The following ADAMTS19 variants were observed in gnomAD, a reference collection of about 807,000 sequenced individuals.
ADAMTS19 encodes A disintegrin and metalloproteinase with thrombospondin motifs 19.
ADAMTS19 carries 93 observed loss-of-function variants against 153.3 expected under a neutral mutation model. The ratio of observed to expected loss-of-function variants is 0.61; its 90% CI spans 0.51 to 0.72. The LOEUF is 0.72. Ranked by LOEUF, ADAMTS19 falls within the 30% of genes least tolerant of loss-of-function variation. The pLI is 0.00. For synonymous variants in ADAMTS19, 600 were observed against 556.6 expected (o/e 1.08, Z -1.10); for missense variants, 1,482 against 1,552.1 (o/e 0.95, Z 0.76).
At chr5:129,636,966 T>C (rs960958627) in intron 10 of ADAMTS19, among the ~76,000 whole-genome samples, 1 of 152,208 alleles carries the variant, frequency 6.6e-6, no homozygotes, top group African/African-American at 2.4e-5. Context: ...TGAAAGGGCC[T>C]GTTTTTAACC....
At chr5:129,476,687 G>A (rs1750238265) in intron 2 of ADAMTS19, among the ~76,000 whole-genome samples, 1 of 152,100 alleles carries the variant, frequency 6.6e-6, no homozygotes, top group Non-Finnish European at 1.5e-5. Context: ...CAGACCACAG[G>A]AATTATGATT....
intron 20 of ADAMTS19, among the ~76,000 whole-genome samples, chr5:129,702,037 T>C (rs1755888778): frequency 6.6e-6 from 1 of 152,162 alleles, no homozygotes; most frequent in Non-Finnish European, 1.5e-5. Flanking sequence ...GAAACTTAAG[T>C]TTCATCATTT....
chr5:129,474,315 T>G (rs138993821), intron 2 of ADAMTS19, among the ~76,000 whole-genome samples: 315 of 152,274 alleles, frequency 2.1e-3, no homozygotes, highest in African/African-American at 6.7e-3. Flanking sequence ...TGGTGGGCAT[T>G]TGGATTGTTT....
At chr5:129,734,696 C>T (rs1000779797) in intron 21 of ADAMTS19, among the ~76,000 whole-genome samples, 1 of 151,962 alleles carries the variant, frequency 6.6e-6, no homozygotes, top group Non-Finnish European at 1.5e-5. Flanking sequence ...CTTCTTTACT[C>T]TTATGTCCTT....
rs537237490 is a variant in ADAMTS19, at chr5:129,580,775, G to A, written c.1373-15784G>A. On this transcript the variant is annotated intron_variant, in intron 7 of 22. Coordinates refer to ENST00000274487, the MANE Select transcript of ADAMTS19 (RefSeq NM_133638.6). ...TGTTGAACCAGCCTTGTATCCCAGGGGTGAAGCTGACTTGATCGTGGTGGG... is the reference window on the plus strand; with the variant it reads ...TGTTGAACCAGCCTTGTATCCCAGGAGTGAAGCTGACTTGATCGTGGTGGG... Among the ~76,000 whole-genome samples, 78 of 152,214 alleles carry A rather than the reference G, an allele frequency of 5.1e-4. 1 individual carries two copies. The South Asian group carries it at 0.015, about 30-fold the overall frequency.
In ADAMTS19 at chr5:129,563,731, A is replaced by T. The variant is rs535033886; in HGVS notation, c.1372+11824A>T. Among the ~76,000 whole-genome samples the T allele has an allele frequency of 2.0e-5, 3 of 152,330 alleles. No homozygotes were observed. In the South Asian group the frequency reaches 6.2e-4, roughly 32 times the overall value. On this transcript the variant is annotated intron_variant, in intron 7 of 22. Transcript: ENST00000274487. Reference sequence around the variant, plus strand: ...TGTTATAATGCACTGCTCAGTGATTAACACAGGAAGCTTCAGATATGCAAA... The same window carrying T: ...TGTTATAATGCACTGCTCAGTGATTTACACAGGAAGCTTCAGATATGCAAA...
intron 2 of ADAMTS19, among the ~76,000 whole-genome samples, chr5:129,466,092 T>C (rs1156979021): frequency 6.6e-6 from 1 of 152,188 alleles, no homozygotes; most frequent in Non-Finnish European, 1.5e-5. Context: ...GGAAGCCACA[T>C]ATGTGTCGCT....
chr5:129,535,113 G>A (rs1752365738), intron 6 of ADAMTS19, among the ~76,000 whole-genome samples: 1 of 152,130 alleles, frequency 6.6e-6, no homozygotes, highest in Admixed American at 6.5e-5. Flanking sequence ...AGGAAAAGAG[G>A]AAGTCAAATT....
At chr5:129,479,561 T>A (rs976520829) in intron 2 of ADAMTS19, among the ~76,000 whole-genome samples, 1 of 152,306 alleles carries the variant, frequency 6.6e-6, no homozygotes, top group African/African-American at 2.4e-5. Flanking sequence ...GAAAACATGA[T>A]GGTCTATAGA....
intron 14 of ADAMTS19, among the ~76,000 whole-genome samples, chr5:129,655,849 A>G (rs1222615918): frequency 1.3e-5 from 2 of 152,220 alleles, no homozygotes; most frequent in Non-Finnish European, 2.9e-5. Flanking sequence ...AACCATTGGC[A>G]TAAGAAGCAG....
intron 21 of ADAMTS19, 65 bp downstream of exon 21, chr5:129,704,456 A>G (rs1301712804): frequency 2.6e-6 from 4 of 1,543,540 alleles, no homozygotes; most frequent in Admixed American, 1.9e-5. Flanking sequence ...CCTGGGTACT[A>G]TAACCACATA....
chr5:129,589,620 G>T (rs547945050), intron 7 of ADAMTS19, among the ~76,000 whole-genome samples: 29 of 152,190 alleles, frequency 1.9e-4, no homozygotes, highest in Admixed American at 1.6e-3. Flanking sequence ...CTTACAAAAA[G>T]ATATATTTGG....
At chr5:129,683,650 G>T (rs1218577456) in intron 17 of ADAMTS19, among the ~76,000 whole-genome samples, 1 of 151,632 alleles carries the variant, frequency 6.6e-6, no homozygotes, top group Non-Finnish European at 1.5e-5. Flanking sequence ...TTCCTCTTTT[G>T]ACTCAGCAAC....
chr5:129,579,355 T>G (rs1393398087), intron 7 of ADAMTS19, among the ~76,000 whole-genome samples: 2 of 152,246 alleles, frequency 1.3e-5, no homozygotes, highest in Non-Finnish European at 2.9e-5. Context: ...GTCAGATGGA[T>G]AGATTGCAAA....
At chr5:129,701,026 T>C (rs944733465) in intron 19 of ADAMTS19, among the ~76,000 whole-genome samples, 2 of 151,954 alleles carry the variant, frequency 1.3e-5, no homozygotes, top group African/African-American at 4.8e-5. Context: ...GTAGCTTCCA[T>C]GATTCCCATG....
intron 3 of ADAMTS19, among the ~76,000 whole-genome samples, chr5:129,516,927 TC>T (rs1214713164): frequency 1.3e-5 from 2 of 149,824 alleles, no homozygotes; most frequent in Non-Finnish European, 3.0e-5. Context: ...CTTATAAACT[TC>T]CCCCTGAGTA....
intron 6 of ADAMTS19, among the ~76,000 whole-genome samples, chr5:129,538,438 C>G (rs1752538596): frequency 6.6e-6 from 1 of 151,980 alleles, no homozygotes; most frequent in Non-Finnish European, 1.5e-5. Flanking sequence ...TTTCAAAACT[C>G]TAAAAAAAGC....
chr5:129,470,059 T>A (rs531715975), intron 2 of ADAMTS19, among the ~76,000 whole-genome samples: 2 of 152,366 alleles, frequency 1.3e-5, no homozygotes, highest in African/African-American at 2.4e-5. Flanking sequence ...TATTAACCTA[T>A]GTCTTCATTC....
At chr5:129,463,725 C>T (rs138808075) in intron 2 of ADAMTS19, among the ~76,000 whole-genome samples, 51 of 152,222 alleles carry the variant, frequency 3.4e-4, no homozygotes, top group African/African-American at 1.2e-3. Flanking sequence ...GATTGACAAG[C>T]TCCTTATCTC....
Sources: gnomAD v4.1 joint callset for allele counts (sites outside exome capture counted in the v4.1 genomes callset) on GRCh38, gnomAD v4.1.1 for gene constraint, MANE v1.5 for transcripts, NCBI Gene and HGNC (gene_info 2026-07-23, HGNC 2026-07-21) for gene names.